The following NKAIN2 variants were observed in gnomAD, a reference collection of about 807,000 sequenced individuals.
NKAIN2 encodes the protein sodium/potassium-transporting ATPase subunit beta-1-interacting protein 2.
A neutral mutation model predicts 32.6 loss-of-function variants in NKAIN2; 14 were observed. That is an observed-to-expected ratio of 0.43 (90% CI 0.28 to 0.67). The LOEUF (loss-of-function observed/expected upper bound fraction) is 0.67, where lower values mean the gene tolerates loss of function less well. Ranked by LOEUF, NKAIN2 falls within the 30% of genes least tolerant of loss-of-function variation. NKAIN2 has a pLI of 0.17. For missense variants in NKAIN2, 198 were observed against 258.3 expected, an observed-to-expected ratio of 0.77 and a Z score of 1.60; for synonymous variants, 80 against 87.2, an observed-to-expected ratio of 0.92 and a Z score of 0.46.
intron 3 of NKAIN2, among the ~76,000 whole-genome samples, chr6:124,408,975 C>G (rs986369030): frequency 1.3e-5 from 2 of 152,118 alleles, no homozygotes; most frequent in African/African-American, 4.8e-5. Flanking sequence ...AATGGGAGTT[C>G]ACTCATGATT....
intron 3 of NKAIN2, among the ~76,000 whole-genome samples, chr6:124,443,276 T>A (rs541949160): frequency 6.6e-6 from 1 of 152,264 alleles, no homozygotes; most frequent in Non-Finnish European, 1.5e-5. Context: ...TAGCGGGATG[T>A]TATTGATATG....
Position 124,601,995 on chromosome 6 carries a change from A to G in NKAIN2, c.274-56191A>G, listed in dbSNP as rs572044232. Among the ~76,000 whole-genome samples the G allele has an allele frequency of 1.1e-3, 161 of 152,088 alleles. No individual in the cohort carries two copies. In the South Asian group the frequency reaches 0.032, roughly 30 times the overall value. ...CTTGGATATTGATGTTAATCTCCCCAATTTTTAGATATTATAATCATTGTG... is the reference window on the plus strand; with the variant it reads ...CTTGGATATTGATGTTAATCTCCCCGATTTTTAGATATTATAATCATTGTG... On this transcript the variant is annotated intron_variant, in intron 3 of 6. Coordinates refer to ENST00000368417, the MANE Select transcript of NKAIN2 (RefSeq NM_001040214.3).
At chr6:124,601,152 G>A (rs1205433716) in intron 3 of NKAIN2, among the ~76,000 whole-genome samples, 1 of 152,046 alleles carries the variant, frequency 6.6e-6, no homozygotes, top group East Asian at 1.9e-4. Context: ...TGTGTCAATA[G>A]ACACAACATG....
At chr6:124,139,174 C>A (rs544291648) in intron 1 of NKAIN2, among the ~76,000 whole-genome samples, 1 of 142,994 alleles carries the variant, frequency 7.0e-6, no homozygotes, top group South Asian at 2.2e-4. Context: ...CTGCAAGCTC[C>A]GCTTCCCGGG....
chr6:124,497,800 T>C (rs998683859), intron 3 of NKAIN2, among the ~76,000 whole-genome samples: 1 of 140,518 alleles, frequency 7.1e-6, no homozygotes, highest in Non-Finnish European at 1.5e-5. Flanking sequence ...TTCACAGTTT[T>C]AGATTTGTTT....
chr6:124,282,124 T>A (rs1582984247), intron 1 of NKAIN2: 1 of 244,752 alleles, frequency 4.1e-6, no homozygotes, highest in Middle Eastern at 4.4e-4. Flanking sequence ...AAATGGTACT[T>A]CCGGACTACC....
chr6:124,270,590 C>T (rs1476973320), intron 1 of NKAIN2, among the ~76,000 whole-genome samples: 2 of 152,102 alleles, frequency 1.3e-5, no homozygotes, highest in Non-Finnish European at 2.9e-5. Flanking sequence ...AAGAACATTG[C>T]AAGCTATTTT....
chr6:123,871,842 T>A (rs1265277899), intron 1 of NKAIN2, among the ~76,000 whole-genome samples: 2 of 152,196 alleles, frequency 1.3e-5, no homozygotes, highest in African/African-American at 2.4e-5. Flanking sequence ...TGACTGGTAT[T>A]TTAGTTGTAA....
chr6:124,755,168 G>A (rs1437147565), intron 4 of NKAIN2, among the ~76,000 whole-genome samples: 5 of 152,204 alleles, frequency 3.3e-5, no homozygotes, highest in South Asian at 2.1e-4. Context: ...AGAGCCCCAC[G>A]CAAAGCACTT....
At chr6:124,008,232 G>A (rs1183257236) in intron 1 of NKAIN2, among the ~76,000 whole-genome samples, 4 of 152,096 alleles carry the variant, frequency 2.6e-5, no homozygotes, top group South Asian at 2.1e-4. Context: ...CTTTTGTCTT[G>A]CCTTTCCTCC....
At chr6:124,393,219 T>A (rs117246972) in intron 3 of NKAIN2, among the ~76,000 whole-genome samples, 276 of 152,316 alleles carry the variant, frequency 1.8e-3, no homozygotes, top group Non-Finnish European at 3.1e-3. Flanking sequence ...TTTAAGTGTG[T>A]GAAATTAACT....
intron 3 of NKAIN2, among the ~76,000 whole-genome samples, chr6:124,503,685 G>GTCACTC (rs1207882606): frequency 1.3e-5 from 2 of 152,062 alleles, no homozygotes; most frequent in Non-Finnish European, 2.9e-5. Context: ...CAACCTACCA[G>GTCACTC]TCACTCTCTG....
intron 1 of NKAIN2, among the ~76,000 whole-genome samples, chr6:124,067,329 C>T (rs978190163): frequency 6.6e-6 from 1 of 152,182 alleles, no homozygotes; most frequent in African/African-American, 2.4e-5. Flanking sequence ...TTTGTGGAGA[C>T]AGTTCTCCTA....
At chr6:123,918,869 C>T (rs1488402578) in intron 1 of NKAIN2, among the ~76,000 whole-genome samples, 5 of 152,036 alleles carry the variant, frequency 3.3e-5, no homozygotes, top group Non-Finnish European at 2.9e-5. Flanking sequence ...AATCACAAAC[C>T]GTGTTTACTT....
intron 3 of NKAIN2, among the ~76,000 whole-genome samples, chr6:124,548,805 G>A (rs1342917536): frequency 6.6e-6 from 1 of 152,200 alleles, no homozygotes; most frequent in Non-Finnish European, 1.5e-5. Flanking sequence ...TAAGGAAGCC[G>A]AGAGAAGATA....
chr6:124,596,572 T>C lies in NKAIN2; in HGVS notation c.274-61614T>C, dbSNP rs538480379. ...AATAGAGGGCACAGAAGCTTTGTGA[T>C]CATCAATTATATCAACAGTGGAGAT... is the stretch of plus-strand genomic sequence containing the variant. On this transcript the variant is annotated intron_variant, in intron 3 of 6. Transcript: ENST00000368417. 1.1e-4 allele frequency among the ~76,000 whole-genome samples: 17 copies of C among 152,066 alleles called. 1 individual carries two copies. In the South Asian group the frequency reaches 3.3e-3, roughly 30 times the overall value.
At chr6:124,213,488 A>T (rs1438235805) in intron 1 of NKAIN2, among the ~76,000 whole-genome samples, 1 of 152,110 alleles carries the variant, frequency 6.6e-6, no homozygotes, top group Non-Finnish European at 1.5e-5. Flanking sequence ...CCAGAAAAAA[A>T]GAATAAATAA....
intron 3 of NKAIN2, among the ~76,000 whole-genome samples, chr6:124,566,071 A>G (rs1780898792): frequency 6.6e-6 from 1 of 152,136 alleles, no homozygotes; most frequent in Non-Finnish European, 1.5e-5. Context: ...ACCACTGGAA[A>G]GAGATTTGCA....
chr6:124,285,700 T>C (rs144318207), intron 2 of NKAIN2, among the ~76,000 whole-genome samples: 173 of 152,192 alleles, frequency 1.1e-3, no homozygotes, highest in African/African-American at 3.9e-3. Context: ...GTGTGAGGAT[T>C]AAGGGCACCA....
Sources: allele counts gnomAD v4.1 joint callset (sites outside exome capture counted in the v4.1 genomes callset), GRCh38; gene constraint gnomAD v4.1.1; transcripts MANE v1.5; gene names NCBI Gene and HGNC (gene_info 2026-07-23, HGNC 2026-07-21).